Variants in PIEZO2 observed in about 807,000 individuals in gnomAD.
PIEZO2 encodes the protein piezo-type mechanosensitive ion channel component 2.
A neutral mutation model predicts 337.3 loss-of-function variants in PIEZO2; 172 were observed. The observed-to-expected ratio is 0.51, with a 90% confidence interval of 0.45 to 0.58. The LOEUF is 0.58. PIEZO2 is among the 20% of genes least tolerant of loss of function. PIEZO2 has a pLI of 0.00. For missense variants in PIEZO2, 3,028 were observed against 3,391.3 expected, an observed-to-expected ratio of 0.89 and a Z score of 2.66; for synonymous variants, 1,251 against 1,228.5, an observed-to-expected ratio of 1.02 and a Z score of -0.38.
intron 4 of PIEZO2, among the ~76,000 whole-genome samples, chr18:10,885,833 G>A (rs1445362166): frequency 1.3e-5 from 2 of 152,098 alleles, no homozygotes; most frequent in Admixed American, 1.3e-4. Flanking sequence ...CTCATAAATG[G>A]CCTGCTAGAA....
chr18:10,705,802 G>A lies in PIEZO2; in HGVS notation c.5589-56C>T, dbSNP rs533493429. On this transcript the variant is annotated intron_variant, in intron 40 of 55. Coordinates refer to ENST00000674853, the MANE Select transcript of PIEZO2 (RefSeq NM_001378183.1). ...ATGTCTTAGCATCCACACTCCTGGGGTTCTTTCCCATTCCTGAGAGACCTC... is the reference window on the plus strand; with the variant it reads ...ATGTCTTAGCATCCACACTCCTGGGATTCTTTCCCATTCCTGAGAGACCTC... The A allele has an allele frequency of 1.3e-4, 191 of 1,451,650 alleles. 1 individual carries two copies. In the African/African-American group the frequency reaches 2.3e-3, roughly 18 times the overall value. The allele number at this position is 1,451,650 out of a possible 1,614,324, so 89.9% of individuals were successfully genotyped here.
In PIEZO2 at chr18:10,682,289, A is replaced by T; in HGVS notation, c.7501T>A (p.Tyr2501Asn). The T allele has an allele frequency of 6.5e-7, 1 of 1,534,872 alleles. No homozygotes were observed. Among genetic ancestry groups the T allele is most frequent in the Non-Finnish European group, 8.7e-7 (1 of 1,145,556 alleles). The change falls in exon 50 of 56, where the codon TAC becomes AAC. Residue 2501 changes from tyrosine (Y) to asparagine (N), a missense_variant. Transcript: ENST00000674853. This position sits in a 1 kb window ranked among gnomAD's most constrained non-coding sequence, Gnocchi z 5.6. ...LKCWRESEKR[Y>N]PQPRGQKKKK... is the part of the protein sequence containing the mutation. Reference sequence around the variant, plus strand: ...TTCTTCTGGCCCCGTGGCTGAGGGTATCTCTGCAACAGAGAGTTCAGACAA... The same window carrying T: ...TTCTTCTGGCCCCGTGGCTGAGGGTTTCTCTGCAACAGAGAGTTCAGACAA...
intron 2 of PIEZO2, among the ~76,000 whole-genome samples, chr18:11,043,234 C>T (rs924818017): frequency 6.4e-5 from 7 of 109,194 alleles, no homozygotes; most frequent in African/African-American, 2.6e-4. Flanking sequence ...ATATCTCCTC[C>T]CTTTAAACGC....
rs976645040 is a variant in PIEZO2, at chr18:11,126,223, A to G, written c.64+22302T>C. 2.0e-5 allele frequency among the ~76,000 whole-genome samples: 3 copies of G among 152,310 alleles called. No homozygotes were observed. Among genetic ancestry groups the G allele is most frequent in the African/African-American group, 4.8e-5 (2 of 41,556 alleles). On this transcript the variant is annotated intron_variant, in intron 1 of 55. Transcript: ENST00000674853. This position sits in a 1 kb window ranked among gnomAD's most constrained non-coding sequence, Gnocchi z 4.6. The stretch of plus-strand genomic sequence containing the variant: ...CTTTTTTAAAGTCAATATTCCCAGT[A>G]GGTTCAACATGAAGTTTTTACTATC...
chr18:11,142,704 C>T (rs1184027555), intron 1 of PIEZO2, among the ~76,000 whole-genome samples: 2 of 149,772 alleles, frequency 1.3e-5, no homozygotes, highest in African/African-American at 4.9e-5. Context: ...TCGCTTGAAC[C>T]CCAGAGGTGG....
At position 10,717,477 on chromosome 18, in the gene PIEZO2, G is replaced by A. The variant is rs1332325484; in HGVS notation, c.5089+723C>T. ...CCTGCTGATAGATAACCACAAAGGC[G>A]CTCCAAAGCAGACGAAGAGATAACC... On this transcript the variant is annotated intron_variant, in intron 37 of 55. Transcript: ENST00000674853. 3.3e-5 allele frequency among the ~76,000 whole-genome samples: 5 copies of A among 152,190 alleles called. 1 individual carries two copies. The South Asian group carries it at 6.2e-4, about 19-fold the overall frequency.
rs1419776074 is a variant in PIEZO2, at chr18:10,993,430, A to C, written c.161-13770T>G. Among the ~76,000 whole-genome samples the C allele has an allele frequency of 6.6e-6, 1 of 152,130 alleles. No individual in the cohort carries two copies. Among genetic ancestry groups the C allele is most frequent in the African/African-American group, 2.4e-5 (1 of 41,426 alleles). On this transcript the variant is annotated intron_variant, in intron 2 of 55. Transcript: ENST00000674853. The surrounding 1 kb of genome is among the most constrained non-coding windows in gnomAD (Gnocchi z 5.0). ...AGTTTTTAGCATGAAGGGGTGTTGA[A>C]TTTTGTTGAAAGCCTTTTCTGCATC... is the stretch of plus-strand genomic sequence containing the variant.
chr18:10,797,092 A>G (rs1326864961), intron 12 of PIEZO2, among the ~76,000 whole-genome samples: 4 of 151,984 alleles, frequency 2.6e-5, no homozygotes, highest in Admixed American at 2.6e-4. Flanking sequence ...TATCTTATAT[A>G]CCATTATATA....
chr18:11,059,509 C>T (rs1210911130), intron 2 of PIEZO2, among the ~76,000 whole-genome samples: 1 of 152,116 alleles, frequency 6.6e-6, no homozygotes, highest in African/African-American at 2.4e-5. Flanking sequence ...ATTCAGGAAA[C>T]CCATCTCATG....
chr18:11,055,606 ACAGTGACT>A (rs143197920), intron 2 of PIEZO2, among the ~76,000 whole-genome samples: 10,407 of 152,160 alleles, frequency 0.068, 965 homozygotes, highest in African/African-American at 0.2. Flanking sequence ...ACAACTAATA[ACAGTGACT>A]CAGTGACTAT....
In PIEZO2 at chr18:10,837,519, G is replaced by A. The variant is rs764966542; in HGVS notation, c.917+17834C>T. 6.6e-6 allele frequency among the ~76,000 whole-genome samples: 1 copy of A among 152,130 alleles called. No individual in the cohort carries two copies. The highest frequency in any genetic ancestry group is 1.5e-5 in the Non-Finnish European group (1 of 68,016). ...TCCTTTAGAATGTTGGGGCCAGCAA[G>A]AAAGCTTGAGAACCACTGGTAGATG... On this transcript the variant is annotated intron_variant, in intron 7 of 55. Coordinates refer to ENST00000674853, the MANE Select transcript of PIEZO2 (RefSeq NM_001378183.1). This position sits in a 1 kb window ranked among gnomAD's most constrained non-coding sequence, Gnocchi z 4.4.
At chr18:10,874,619 A>G (rs941706879) in intron 4 of PIEZO2, among the ~76,000 whole-genome samples, 3 of 152,198 alleles carry the variant, frequency 2.0e-5, no homozygotes, top group Non-Finnish European at 4.4e-5. Flanking sequence ...TATATACACA[A>G]TGGAATATTA....
intron 1 of PIEZO2, among the ~76,000 whole-genome samples, chr18:11,140,922 T>A (rs1370428246): frequency 1.3e-5 from 2 of 152,196 alleles, no homozygotes; most frequent in Non-Finnish European, 2.9e-5. Flanking sequence ...GTGTTCCTTC[T>A]GCATCTCCTA....
intron 7 of PIEZO2, among the ~76,000 whole-genome samples, chr18:10,811,392 G>A (rs2040185328): frequency 6.6e-6 from 1 of 152,164 alleles, no homozygotes; most frequent in South Asian, 2.1e-4. Flanking sequence ...TTGCGTTTAT[G>A]GCAGTGCTTA....
rs772081163 is a variant in PIEZO2, at chr18:10,979,679, A to C, written c.161-19T>G. On this transcript the variant is annotated intron_variant, in intron 2 of 55. Coordinates refer to ENST00000674853, the MANE Select transcript of PIEZO2 (RefSeq NM_001378183.1). This position sits in a 1 kb window ranked among gnomAD's most constrained non-coding sequence, Gnocchi z 4.0. ...GTATGTCCTAAGGGATAAAAAGTGC[A>C]GAGATTGTGAGAGAGCTTAAGATGA... 6.6e-7 allele frequency: 1 copy of C among 1,516,462 alleles called. No homozygotes were observed. The highest frequency in any genetic ancestry group is 8.8e-7 in the Non-Finnish European group (1 of 1,133,286). The allele number at this position is 1,516,462 out of a possible 1,614,324, so 93.9% of individuals were successfully genotyped here.
Position 10,672,672 on chromosome 18 carries a change from T to C in PIEZO2, c.8345+18A>G. ...GAAGTAGACTCTTGTAACTGTGAAT[T>C]GTTCAATGAGTCCTTACCCATAGCC... On this transcript the variant is annotated intron_variant, in intron 55 of 55. Transcript: ENST00000674853. The surrounding 1 kb of genome is among the most constrained non-coding windows in gnomAD (Gnocchi z 4.7). The C allele has an allele frequency of 6.2e-7, 1 of 1,603,188 alleles. No individual in the cohort carries two copies. Among genetic ancestry groups the C allele is most frequent in the Non-Finnish European group, 8.5e-7 (1 of 1,177,058 alleles).
rs149941592 is a variant in PIEZO2, at chr18:11,033,959, G to C, written c.160+32168C>G. Among the ~76,000 whole-genome samples the C allele has an allele frequency of 1.1e-3, 174 of 152,046 alleles. No individual in the cohort carries two copies. The highest frequency in any genetic ancestry group is 4.1e-3 in the African/African-American group (169 of 41,464). On this transcript the variant is annotated intron_variant, in intron 2 of 55. Transcript: ENST00000674853. The surrounding 1 kb of genome is among the most constrained non-coding windows in gnomAD (Gnocchi z 4.2). ...AAAAACTTATACGAGCTAATGTTGT[G>C]CTGATTTGAAACTGAAGGGGAAAAA...
At chr18:10,737,175 C>A (rs76356726) in intron 33 of PIEZO2, among the ~76,000 whole-genome samples, 1 of 151,712 alleles carries the variant, frequency 6.6e-6, no homozygotes, top group African/African-American at 2.4e-5. Flanking sequence ...CCAATCAGGA[C>A]GATTCAGGAC....
rs978289416 is a variant in PIEZO2, at chr18:11,015,787, G to A, written c.161-36127C>T. Among the ~76,000 whole-genome samples, 6 of 152,030 alleles carry A rather than the reference G, an allele frequency of 3.9e-5. 1 individual carries two copies. The highest frequency in any genetic ancestry group is 2.0e-4 in the Admixed American group (3 of 15,260). On this transcript the variant is annotated intron_variant, in intron 2 of 55. Coordinates refer to ENST00000674853, the MANE Select transcript of PIEZO2 (RefSeq NM_001378183.1). ...TTGCATAGTGCTCTATGGTAGACTC[G>A]AATTTCTTATGGAAAACAATAAACA...
Sources: allele counts gnomAD v4.1 joint callset (sites outside exome capture counted in the v4.1 genomes callset), GRCh38; gene constraint gnomAD v4.1.1; non-coding constraint Gnocchi (gnomAD v3.1); transcripts MANE v1.5; gene names NCBI Gene and HGNC (gene_info 2026-07-23, HGNC 2026-07-21).